The following TRAPPC10 variants were observed in gnomAD, a reference collection of about 807,000 sequenced individuals.
TRAPPC10 encodes TRAPP 130 kDa subunit.
In TRAPPC10, 23 loss-of-function variants were observed where a neutral mutation model predicts 125.5. The ratio of observed to expected loss-of-function variants is 0.18; its 90% CI spans 0.13 to 0.26. The LOEUF (loss-of-function observed/expected upper bound fraction) is 0.26. Among genes scored for constraint, TRAPPC10 ranks in the 10% least tolerant of loss-of-function variants. The pLI is 1.00. For synonymous variants in TRAPPC10, 509 were observed against 518.0 expected (o/e 0.98, Z 0.24); for missense variants, 1,123 against 1,308.4 (o/e 0.86, Z 2.19).
At chr21:44,027,744 T>A (rs1028065225) in intron 1 of TRAPPC10, among the ~76,000 whole-genome samples, 2 of 152,156 alleles carry the variant, frequency 1.3e-5, no homozygotes, top group Non-Finnish European at 2.9e-5. Context: ...CTAGCAGCTG[T>A]TCCATGACCC....
chr21:44,092,120 G>A, intron 19 of TRAPPC10, 71 bp downstream of exon 19: 2 of 1,576,676 alleles, frequency 1.3e-6, no homozygotes, highest in Non-Finnish European at 8.6e-7. Flanking sequence ...GATGTAGTAT[G>A]TGTTGCGACT....
In TRAPPC10 at chr21:44,089,057, A is replaced by G. The variant is rs59226037; in HGVS notation, c.2770-776A>G. 1.5e-3 allele frequency: 170 copies of G among 110,764 alleles called. 1 individual carries two copies. Among genetic ancestry groups the G allele is most frequent in the African/African-American group, 6.4e-3 (80 of 12,560 alleles). The allele number at this position is 110,764 out of a possible 1,614,324, so 6.9% of individuals were successfully genotyped here. A position where few individuals can be genotyped will look rare whatever the true frequency, so the allele number is the denominator to read the frequency against. ...CCCTGGCGCTGGTGGCACCTGTGCTATGTGCCGTGTTATCCTCTCTTCCCT... is the reference window on the plus strand; with the variant it reads ...CCCTGGCGCTGGTGGCACCTGTGCTGTGTGCCGTGTTATCCTCTCTTCCCT... On this transcript the variant is annotated intron_variant, in intron 17 of 22. Transcript: ENST00000291574.
chr21:44,032,414 G>T (rs1026218342), intron 2 of TRAPPC10, among the ~76,000 whole-genome samples: 3 of 126,818 alleles, frequency 2.4e-5, no homozygotes, highest in Admixed American at 1.9e-4. Context: ...ACAGAGTCTC[G>T]TTCTGTCGCC....
Position 44,012,374 on chromosome 21 carries a change from G to A in TRAPPC10, c.-120G>A, listed in dbSNP as rs904640500. 14 of 458,428 alleles carry A rather than the reference G, an allele frequency of 3.1e-5. No homozygotes were observed. The highest frequency in any genetic ancestry group is 1.5e-4 in the East Asian group (1 of 6,580). The allele number at this position is 458,428 out of a possible 1,614,324, so 28.4% of individuals were successfully genotyped here. A position where few individuals can be genotyped will look rare whatever the true frequency, so the allele number is the denominator to read the frequency against. On this transcript the variant is annotated 5_prime_UTR_variant, in exon 1 of 23. Transcript: ENST00000291574. ...CGGCAGCTGCGGCGCAACCGGCTCC[G>A]GAGCTGCCTGGCGCGGCCGGGCGGG...
intron 6 of TRAPPC10, among the ~76,000 whole-genome samples, chr21:44,060,956 T>G (rs1396117182): frequency 7.5e-6 from 1 of 132,668 alleles, no homozygotes; most frequent in African/African-American, 3.0e-5. Flanking sequence ...ACTTTTTTTT[T>G]GAGACGGAGT....
chr21:44,093,413 C>T (rs1384019909), intron 19 of TRAPPC10, among the ~76,000 whole-genome samples: 3 of 151,576 alleles, frequency 2.0e-5, no homozygotes, highest in Non-Finnish European at 4.4e-5. Context: ...GTGATCACAC[C>T]ACAGCACTCC....
chr21:44,074,151 A>C (rs1276935514), intron 7 of TRAPPC10, among the ~76,000 whole-genome samples, 173 bp from the exon 8 acceptor site: 2 of 152,196 alleles, frequency 1.3e-5, no homozygotes, highest in East Asian at 3.8e-4. Flanking sequence ...GTAGGTGATT[A>C]GTGTTCTTTG....
chr21:44,014,201 A>T (rs772843358), intron 1 of TRAPPC10, among the ~76,000 whole-genome samples: 10 of 152,212 alleles, frequency 6.6e-5, no homozygotes, highest in Non-Finnish European at 1.2e-4. Flanking sequence ...GCTCTATTGG[A>T]TTCAACCATA....
intron 4 of TRAPPC10, among the ~76,000 whole-genome samples, chr21:44,054,061 A>G (rs1006396923): frequency 2.6e-5 from 4 of 152,238 alleles, no homozygotes; most frequent in African/African-American, 9.6e-5. Context: ...GTAGGCGCAC[A>G]GGAGAATTCG....
At chr21:44,077,601 A>C (rs902096613) in intron 10 of TRAPPC10, 92 bp from the exon 11 acceptor site, 1 of 1,019,810 alleles carries the variant, frequency 9.8e-7, no homozygotes, top group African/African-American at 1.6e-5. Flanking sequence ...AAAACCCAAC[A>C]ATGTCTTTTG....
intron 3 of TRAPPC10, among the ~76,000 whole-genome samples, chr21:44,042,443 T>G (rs1005629522): frequency 6.6e-6 from 1 of 152,192 alleles, no homozygotes; most frequent in African/African-American, 2.4e-5. Flanking sequence ...TAAAAAAATT[T>G]TGTTTAGAAA....
chr21:44,022,658 G>T (rs983801403), intron 1 of TRAPPC10, among the ~76,000 whole-genome samples: 5 of 151,934 alleles, frequency 3.3e-5, no homozygotes, highest in African/African-American at 7.3e-5. Flanking sequence ...TAAGTTTCCA[G>T]TGTGTCTTAA....
intron 7 of TRAPPC10, among the ~76,000 whole-genome samples, chr21:44,073,724 T>A (rs2037056315): frequency 6.6e-6 from 1 of 152,218 alleles, no homozygotes; most frequent in Non-Finnish European, 1.5e-5. Flanking sequence ...TACTGCAGTG[T>A]ATAGGGAGCA....
rs115516267 is a variant in TRAPPC10, at chr21:44,045,409, G to A, written c.286-6871G>A. 6.7e-3 allele frequency among the ~76,000 whole-genome samples: 1,012 copies of A among 152,160 alleles called. 9 individuals are homozygous for A. The highest frequency in any genetic ancestry group is 0.023 in the African/African-American group (944 of 41,494). ...TAATTTTTGAAAAATATTTTCACTCGTTAGGGAATTCTAGGTTGACAATTT... is the reference window on the plus strand; with the variant it reads ...TAATTTTTGAAAAATATTTTCACTCATTAGGGAATTCTAGGTTGACAATTT... On this transcript the variant is annotated intron_variant, in intron 3 of 22. Transcript: ENST00000291574.
In TRAPPC10 at chr21:44,083,052, C is replaced by T; in HGVS notation, c.1988C>T (p.Pro663Leu). The T allele has an allele frequency of 6.2e-7, 1 of 1,614,134 alleles. No homozygotes were observed. The highest frequency in any genetic ancestry group is 8.5e-7 in the Non-Finnish European group (1 of 1,180,034). ...ATTAACTTTCCACCCGAGACCGCAC[C>T]TTTCCCTGTATCCCAAAACAGTTTG... ...GIINFPPETA[P>L]FPVSQNSLPA... The change falls in exon 14 of 23, where the codon CCT (proline) becomes CTT (leucine). Residue 663 changes from proline to leucine, a missense_variant. Physicochemically the swap from Pro to Leu is moderately conservative, Grantham distance 98. Coordinates refer to ENST00000291574, the MANE Select transcript of TRAPPC10 (RefSeq NM_003274.5).
chr21:44,061,913 A>G (rs892466923), intron 6 of TRAPPC10, among the ~76,000 whole-genome samples: 3 of 152,236 alleles, frequency 2.0e-5, no homozygotes, highest in Admixed American at 6.5e-5. Flanking sequence ...GGCATTTGTT[A>G]GCCTCAGGCA....
At chr21:44,032,279 A>G in intron 2 of TRAPPC10, 107 bp downstream of exon 2, 1 of 856,354 alleles carries the variant, frequency 1.2e-6, no homozygotes, top group Non-Finnish European at 1.8e-6. Flanking sequence ...GAACAAGTGA[A>G]GTAGCACAAG....
rs2038158237 is a variant in TRAPPC10 at position 44,086,708 on chromosome 21, T to G, written c.2381-94T>G. 3 of 1,347,776 alleles carry G rather than the reference T, an allele frequency of 2.2e-6. No homozygotes were observed. In the East Asian group the frequency reaches 6.9e-5, roughly 31 times the overall value. 83.5% of individuals were successfully genotyped at this position (1,347,776 alleles called of 1,614,324 possible). ...TCCCAAAGGAGCAAATCTTTCATAGTAAAAGAAATAGAGCCCCTTTCACCC... is the reference window on the plus strand; with the variant it reads ...TCCCAAAGGAGCAAATCTTTCATAGGAAAAGAAATAGAGCCCCTTTCACCC... On this transcript the variant is annotated intron_variant, in intron 15 of 22. Coordinates refer to ENST00000291574, the MANE Select transcript of TRAPPC10 (RefSeq NM_003274.5).
At chr21:44,029,387 C>T (rs1369787249) in intron 1 of TRAPPC10, among the ~76,000 whole-genome samples, 2 of 152,226 alleles carry the variant, frequency 1.3e-5, no homozygotes, top group African/African-American at 4.8e-5. Flanking sequence ...AGCCACTGCG[C>T]CCAGCTGCTC....
Sources: allele counts gnomAD v4.1 joint callset (sites outside exome capture counted in the v4.1 genomes callset), GRCh38; gene constraint gnomAD v4.1.1; transcripts MANE v1.5; gene names NCBI Gene and HGNC (gene_info 2026-07-23, HGNC 2026-07-21).